ZC3H12B: variants seen among roughly 807,000 people sequenced by gnomAD.
ZC3H12B encodes zinc finger CCCH-type containing 12B, also known as probable ribonuclease ZC3H12B.
A neutral mutation model predicts 43.9 loss-of-function variants in ZC3H12B; 7 were observed. The ratio of observed to expected loss-of-function variants is 0.16; its 90% confidence interval spans 0.09 to 0.30. The LOEUF (loss-of-function observed/expected upper bound fraction) is 0.30. Ranked by LOEUF, ZC3H12B falls within the 10% of genes least tolerant of loss-of-function variation. The pLI is 1.00. For missense variants in ZC3H12B, 475 were observed against 670.2 expected, an observed-to-expected ratio of 0.71 and a Z score of 3.22; for synonymous variants, 222 against 241.7, an observed-to-expected ratio of 0.92 and a Z score of 0.76.
chrX:65,219,976 CA>C, the ZC3H12B span, among the ~76,000 whole-genome samples: 1 of 111,112 alleles, frequency 9.0e-6, no homozygotes, highest in Non-Finnish European at 1.9e-5. Flanking sequence ...ATAAACTATA[CA>C]GAAAAACCTA....
the ZC3H12B span, among the ~76,000 whole-genome samples, chrX:65,158,510 C>A: frequency 1.4e-4 from 16 of 112,154 alleles, no homozygotes; most frequent in African/African-American, 5.2e-4. Flanking sequence ...ATTTGCATTT[C>A]TCTGATGGCC....
chrX:65,361,563 C>T, the ZC3H12B span, among the ~76,000 whole-genome samples: 1 of 111,911 alleles, frequency 8.9e-6, no homozygotes, highest in Non-Finnish European at 1.9e-5. Context: ...CTCTTAAAAA[C>T]ATTTTTGTGT....
exon 5 of ZC3H12B, chrX:65,507,533 T>A (rs2068438069): frequency 8.9e-6 from 1 of 112,591 alleles, no homozygotes; most frequent in African/African-American, 3.2e-5. Flanking sequence ...TGTGTATTGT[T>A]GAGCTATAGT....
chrX:65,410,658 T>C (rs190274613), intron 3 of ZC3H12B, among the ~76,000 whole-genome samples: 1 of 111,642 alleles, frequency 9.0e-6, no homozygotes, highest in Admixed American at 9.5e-5. Context: ...AGCAAAAGAT[T>C]TGAATAATTT....
chrX:65,425,625 T>C lies in ZC3H12B; in HGVS notation n.407+26921T>C, dbSNP rs138950580. Among the ~76,000 whole-genome samples, 933 of 111,472 alleles carry C rather than the reference T, an allele frequency of 8.4e-3. 38 individuals are homozygous for C. Among genetic ancestry groups the C allele is most frequent in the Admixed American group, 0.074 (773 of 10,414 alleles). ...TCATATATAGCTCTTATTATTTTGA[T>C]GTATGTTCCTTCAATACCTAGTTTA... is the stretch of plus-strand genomic sequence containing the variant. On this transcript the variant is annotated intron_variant and non_coding_transcript_variant, in intron 3 of 5. Coordinates refer to the ZC3H12B transcript ENST00000617377.
At chrX:65,434,124 T>G (rs2067193751) in intron 3 of ZC3H12B, among the ~76,000 whole-genome samples, 1 of 111,779 alleles carries the variant, frequency 8.9e-6, no homozygotes, top group East Asian at 2.8e-4. Flanking sequence ...GGCTCCTGCC[T>G]CCTTGGGATC....
chrX:65,179,971 A>G, the ZC3H12B span, among the ~76,000 whole-genome samples: 1 of 112,103 alleles, frequency 8.9e-6, no homozygotes, highest in Non-Finnish European at 1.9e-5. Flanking sequence ...TTTAAACAAT[A>G]GAAAAAGAGG....
chrX:65,299,433 A>G, the ZC3H12B span, among the ~76,000 whole-genome samples: 2 of 112,185 alleles, frequency 1.8e-5, no homozygotes, highest in East Asian at 5.6e-4. Context: ...ATAATTATTT[A>G]GCACAAGTGG....
At chrX:65,232,977 A>G in the ZC3H12B span, among the ~76,000 whole-genome samples, 1 of 112,170 alleles carries the variant, frequency 8.9e-6, no homozygotes, top group African/African-American at 3.2e-5. Context: ...TTTTTATGCC[A>G]AAAATATTAA....
the ZC3H12B span, among the ~76,000 whole-genome samples, chrX:65,313,350 GA>G: frequency 8.9e-6 from 1 of 112,245 alleles, no homozygotes; most frequent in Admixed American, 9.5e-5. Flanking sequence ...TCAGGAAAAT[GA>G]CTCTTGCTAT....
At chrX:65,290,690 C>T in the ZC3H12B span, among the ~76,000 whole-genome samples, 2 of 111,180 alleles carry the variant, frequency 1.8e-5, no homozygotes, top group South Asian at 3.7e-4. Context: ...AATGAAATCA[C>T]GTCATTTTCA....
At chrX:65,287,285 G>A in the ZC3H12B span, among the ~76,000 whole-genome samples, 13,639 of 111,098 alleles carry the variant, frequency 0.12, 2,017 homozygotes, top group African/African-American at 0.42. Flanking sequence ...AATATTTGGG[G>A]CACAAAACAA....
At chrX:65,056,176 G>A in the ZC3H12B span, among the ~76,000 whole-genome samples, 1 of 111,534 alleles carries the variant, frequency 9.0e-6, no homozygotes, top group Admixed American at 9.5e-5. Flanking sequence ...TTTTAATTGT[G>A]ATGTTAGGGT....
At chrX:65,340,851 G>A in the ZC3H12B span, among the ~76,000 whole-genome samples, 3 of 112,107 alleles carry the variant, frequency 2.7e-5, no homozygotes, top group African/African-American at 9.7e-5. Flanking sequence ...TTCTGAACAA[G>A]GCTGAAGTAG....
the ZC3H12B span, among the ~76,000 whole-genome samples, chrX:65,193,019 G>A: frequency 1.8e-5 from 2 of 110,477 alleles, no homozygotes; most frequent in African/African-American, 3.3e-5. Context: ...TGATCCACTC[G>A]CCTCAGCCTC....
At chrX:65,313,798 T>C in the ZC3H12B span, among the ~76,000 whole-genome samples, 3 of 111,683 alleles carry the variant, frequency 2.7e-5, no homozygotes, top group Admixed American at 1.9e-4. Context: ...CCAGTAAAAT[T>C]TGACAGATTC....
the ZC3H12B span, chrX:65,186,147 C>A: frequency 9.0e-6 from 1 of 111,450 alleles, no homozygotes; most frequent in East Asian, 2.8e-4. Flanking sequence ...TTCACAGTGA[C>A]ATCAACAGAA....
chrX:65,279,270 G>T, the ZC3H12B span, among the ~76,000 whole-genome samples: 1 of 103,319 alleles, frequency 9.7e-6, no homozygotes, highest in Non-Finnish European at 2.0e-5. Flanking sequence ...GTGTGTAAGT[G>T]TTCCCTTCTC....
the ZC3H12B span, among the ~76,000 whole-genome samples, chrX:65,312,968 G>A: frequency 1.0e-3 from 112 of 111,608 alleles, no homozygotes; most frequent in African/African-American, 3.2e-3. Flanking sequence ...TGCAACCTCC[G>A]CCCTCTGGGT....
Sources: gnomAD v4.1 joint callset for allele counts (sites outside exome capture counted in the v4.1 genomes callset) on GRCh38, gnomAD v4.1.1 for gene constraint, MANE v1.5 for transcripts, NCBI Gene and HGNC (gene_info 2026-07-23, HGNC 2026-07-21) for gene names.